Variants in ZBTB41 observed in about 807,000 individuals in gnomAD.
ZBTB41 encodes the protein zinc finger and BTB domain-containing protein 41.
In ZBTB41, 42 loss-of-function variants were observed where a neutral mutation model predicts 87.6. The ratio of observed to expected loss-of-function variants is 0.48; its 90% CI spans 0.37 to 0.62. The LOEUF (loss-of-function observed/expected upper bound fraction) is 0.62. Among genes scored for constraint, ZBTB41 ranks in the 20% least tolerant of loss-of-function variants. The probability of loss-of-function intolerance (pLI) is 0.00; values close to 1 mark genes in which losing one functional copy is unlikely to be tolerated. For missense variants in ZBTB41, 799 were observed against 1,078.9 expected, an observed-to-expected ratio of 0.74 and a Z score of 3.63; for synonymous variants, 364 against 364.0, an observed-to-expected ratio of 1.00 and a Z score of 0.00.
At chr1:197,171,339 G>A (rs1188220388) in intron 10 of ZBTB41, among the ~76,000 whole-genome samples, 4 of 151,874 alleles carry the variant, frequency 2.6e-5, no homozygotes, top group African/African-American at 4.8e-5. Context: ...ATCCTTTACT[G>A]CAACTATTTG....
chr1:197,192,042 A>G, intron 2 of ZBTB41, 143 bp from the exon 3 acceptor site: 1 of 564,430 alleles, frequency 1.8e-6, no homozygotes, highest in Non-Finnish European at 2.8e-6. Flanking sequence ...AAGTTTACGT[A>G]AATTTCTACC....
At chr1:197,163,523 G>A (rs115728934) in intron 10 of ZBTB41, among the ~76,000 whole-genome samples, 2 of 151,870 alleles carry the variant, frequency 1.3e-5, no homozygotes, top group African/African-American at 2.4e-5. Flanking sequence ...AGGAGGAGGA[G>A]AGAGAATAGG....
At position 197,157,164 on chromosome 1, in the gene ZBTB41, A is replaced by G. The variant is rs954689480; in HGVS notation, c.*2195T>C. ...AAGTTCTGTGTAAACCAATTCCTACAATTAAATCATATATTTAAAGCATTA... is the reference window on the plus strand; with the variant it reads ...AAGTTCTGTGTAAACCAATTCCTACGATTAAATCATATATTTAAAGCATTA... On this transcript the variant is annotated 3_prime_UTR_variant, in exon 11 of 11. Transcript: ENST00000367405. The G allele has an allele frequency of 6.6e-6, 1 of 152,162 alleles. No individual in the cohort carries two copies. The highest frequency in any genetic ancestry group is 1.5e-5 in the Non-Finnish European group (1 of 67,720). The allele number at this position is 152,162 out of a possible 1,614,324, so 9.4% of individuals were successfully genotyped here.
Position 197,159,926 on chromosome 1 carries a change from G to C in ZBTB41, c.2163C>G (p.Ala721=). 2 of 1,613,708 alleles carry C rather than the reference G, an allele frequency of 1.2e-6. No individual in the cohort carries two copies. Among genetic ancestry groups the C allele is most frequent in the African/African-American group, 1.3e-5 (1 of 74,946 alleles). ...LTKHLVIHSD[A]RPFNCQHCNA... is the part of the protein sequence containing the mutation. ...TACAGTGCTGACAGTTGAAAGGTCG[G>C]GCATCAGAATGAATAACCAGGTGTT... is the stretch of plus-strand genomic sequence containing the variant. Residue 721 remains alanine, a synonymous_variant, in exon 11 of 11, where the codon GCC becomes GCG. Transcript: ENST00000367405.
chr1:197,183,803 C>T (rs1316216195), intron 5 of ZBTB41, among the ~76,000 whole-genome samples: 1 of 152,032 alleles, frequency 6.6e-6, no homozygotes, highest in Non-Finnish European at 1.5e-5. Context: ...TCTGGAACAC[C>T]TCTCATTATT....
chr1:197,187,244 A>G (rs1659907953), intron 5 of ZBTB41, among the ~76,000 whole-genome samples: 1 of 152,234 alleles, frequency 6.6e-6, no homozygotes, highest in Non-Finnish European at 1.5e-5. Context: ...ATAAAAGCCT[A>G]CACAAAGATG....
At position 197,170,539 on chromosome 1, in the gene ZBTB41, G is replaced by A. The variant is rs545188079; in HGVS notation, c.2074+1621C>T. ...ATCTATTCCCAGTGTTTACTGTGAA[G>A]AATTACTCACAATACTTATAACTCT... is the stretch of plus-strand genomic sequence containing the variant. On this transcript the variant is annotated intron_variant, in intron 10 of 10. Transcript: ENST00000367405. Among the ~76,000 whole-genome samples the A allele has an allele frequency of 9.9e-5, 15 of 152,164 alleles. No homozygotes were observed. In the East Asian group the frequency reaches 2.7e-3, roughly 27 times the overall value.
chr1:197,168,233 C>A lies in ZBTB41; in HGVS notation c.2074+3927G>T, dbSNP rs116782056. ...GATAGCTACACTAAAAACTACAAAT[C>A]ATCTTTGAAAAAAATCTAAACAAAT... On this transcript the variant is annotated intron_variant, in intron 10 of 10. Coordinates refer to ENST00000367405, the MANE Select transcript of ZBTB41 (RefSeq NM_194314.3). 7.6e-3 allele frequency among the ~76,000 whole-genome samples: 1,155 copies of A among 151,822 alleles called. 9 individuals carry two copies. The highest frequency in any genetic ancestry group is 0.025 in the African/African-American group (1,049 of 41,410).
chr1:197,182,033 CTG>C (rs1314828482), intron 5 of ZBTB41, among the ~76,000 whole-genome samples: 1 of 151,864 alleles, frequency 6.6e-6, no homozygotes, highest in Non-Finnish European at 1.5e-5. Flanking sequence ...ACATCAAGCA[CTG>C]TGTTAAGTAT....
chr1:197,187,999 T>C (rs541684304), intron 5 of ZBTB41, among the ~76,000 whole-genome samples: 2 of 152,292 alleles, frequency 1.3e-5, no homozygotes, highest in East Asian at 3.9e-4. Context: ...GAGTGAACCC[T>C]AGTCTAAACT....
intron 2 of ZBTB41, among the ~76,000 whole-genome samples, chr1:197,197,999 T>C (rs533880890): frequency 2.8e-4 from 42 of 152,214 alleles, no homozygotes; most frequent in Non-Finnish European, 5.9e-4. Flanking sequence ...ACAGGAAGCA[T>C]GCACTAAGAG....
Position 197,158,128 on chromosome 1 carries a change from T to C in ZBTB41, c.*1231A>G, listed in dbSNP as rs1366258215. The C allele has an allele frequency of 1.3e-5, 2 of 152,418 alleles. No individual in the cohort carries two copies. The highest frequency in any genetic ancestry group is 4.8e-5 in the African/African-American group (2 of 41,448). The allele number at this position is 152,418 out of a possible 1,614,324, so 9.4% of individuals were successfully genotyped here. A position where few individuals can be genotyped will look rare whatever the true frequency, so the allele number is the denominator to read the frequency against. ...AAAGTGCATGTCTTTAAAGGTATTT[T>C]ATAATTTTGACTTTTTCCTCAATTG... On this transcript the variant is annotated 3_prime_UTR_variant, in exon 11 of 11. Coordinates refer to ENST00000367405, the MANE Select transcript of ZBTB41 (RefSeq NM_194314.3).
intron 6 of ZBTB41, among the ~76,000 whole-genome samples, chr1:197,180,384 A>G (rs1423227093): frequency 6.6e-6 from 1 of 152,136 alleles, no homozygotes; most frequent in Non-Finnish European, 1.5e-5. Flanking sequence ...TAGCACTATC[A>G]TTAAGCGGCG....
At position 197,200,337 on chromosome 1, in the gene ZBTB41, T is replaced by C; in HGVS notation, c.137A>G (p.Glu46Gly). The change falls in exon 2 of 11, where the codon GAA (glutamate) becomes GGA (glycine). Residue 46 changes from glutamate to glycine, a missense_variant. Glu to Gly is a moderately conservative substitution (Grantham distance 98, BLOSUM62 -2). Around this residue, in one of 5 missense-constraint regions of ZBTB41, gnomAD observed 77 missense variants for 68.4 expected, o/e 1.13. Transcript: ENST00000367405. ...AAGTTCCTGGTAACAGTGAAGAGCTTCAGGAGTTGGTCTTCCTGCAGAATG... is the reference window on the plus strand; with the variant it reads ...AAGTTCCTGGTAACAGTGAAGAGCTCCAGGAGTTGGTCTTCCTGCAGAATG... ...YTHSAGRPTP[E>G]ALHCYQELPP... is the part of the protein sequence containing the mutation. The C allele has an allele frequency of 6.2e-7, 1 of 1,614,194 alleles. No homozygotes were observed. The highest frequency in any genetic ancestry group is 1.3e-5 in the African/African-American group (1 of 75,048).
chr1:197,182,476 T>C (rs1343491394), intron 5 of ZBTB41, among the ~76,000 whole-genome samples: 1 of 132,460 alleles, frequency 7.5e-6, no homozygotes, highest in Non-Finnish European at 1.7e-5. Flanking sequence ...AGTATCTCAC[T>C]AGGTTGCCCA....
In ZBTB41 at chr1:197,200,468, C is replaced by T; in HGVS notation, c.6G>A (p.Lys2=). 6.3e-7 allele frequency: 1 copy of T among 1,584,366 alleles called. No homozygotes were observed. The highest frequency in any genetic ancestry group is 8.6e-7 in the Non-Finnish European group (1 of 1,169,144). The change falls in exon 2 of 11, where the codon AAG becomes AAA. Residue 2 remains lysine, a synonymous_variant. Coordinates refer to ENST00000367405, the MANE Select transcript of ZBTB41 (RefSeq NM_194314.3). M[K]KRRKVTSNLE... ...GATTTGAAGTAACCTTTCTCCTCTT[C>T]TTCATTGCAGTACAGCAATTTCAGA...
At position 197,155,387 on chromosome 1, in the gene ZBTB41, C is replaced by A. The variant is rs1659042278; in HGVS notation, c.*3972G>T. On this transcript the variant is annotated 3_prime_UTR_variant, in exon 11 of 11. Coordinates refer to ENST00000367405, the MANE Select transcript of ZBTB41 (RefSeq NM_194314.3). ...ACCAAAAAAAAATAAAAATAAAAAT[C>A]TATTAATCAGTACAATCTAGCCAGC... 1 of 151,830 alleles carries A rather than the reference C, an allele frequency of 6.6e-6. No homozygotes were observed. The highest frequency in any genetic ancestry group is 6.6e-5 in the Admixed American group (1 of 15,190). The allele number at this position is 151,830 out of a possible 1,614,324, so 9.4% of individuals were successfully genotyped here. A position where few individuals can be genotyped will look rare whatever the true frequency, so the allele number is the denominator to read the frequency against.
chr1:197,164,885 T>G (rs191004897), intron 10 of ZBTB41, among the ~76,000 whole-genome samples: 4 of 76,714 alleles, frequency 5.2e-5, no homozygotes, highest in African/African-American at 1.8e-4. Context: ...ATATATATTA[T>G]ATATAATACA....
chr1:197,182,491 G>A (rs988385140), intron 5 of ZBTB41, among the ~76,000 whole-genome samples: 1 of 116,256 alleles, frequency 8.6e-6, no homozygotes, highest in Non-Finnish European at 1.9e-5. Flanking sequence ...TGCCCAGGCT[G>A]GTCTCAAACT....
Sources: gnomAD v4.1 joint callset for allele counts (sites outside exome capture counted in the v4.1 genomes callset) on GRCh38, gnomAD v4.1.1 for gene constraint, gnomAD v4.1.1 regional missense constraint, MANE v1.5 for transcripts, NCBI Gene and HGNC (gene_info 2026-07-23, HGNC 2026-07-21) for gene names.